The following TNKS2 variants were observed in gnomAD, a reference collection of about 807,000 sequenced individuals.
TNKS2 encodes the protein tankyrase 2, also known as poly [ADP-ribose] polymerase tankyrase-2.
TNKS2 carries 72 observed loss-of-function variants against 137.6 expected under a neutral mutation model. The ratio of observed to expected loss-of-function variants is 0.52; its 90% CI spans 0.43 to 0.64. The LOEUF is 0.64. Among genes scored for constraint, TNKS2 ranks in the 30% least tolerant of loss-of-function variants. The pLI is 0.00. For missense variants in TNKS2, 1,049 were observed against 1,410.2 expected (o/e 0.74, Z 4.10); for synonymous variants, 516 against 512.1 (o/e 1.01, Z -0.10).
chr10:91,817,144 GCATGGAGCTGAGCCAAC>G lies in TNKS2; in HGVS notation c.439_455del (p.Gly147ProfsTer23). The stretch of plus-strand genomic sequence containing the variant: ...GTTGCTATTTTGCAGTGCTGTTACA[GCATGGAGCTGAGCCAAC>G]CATCCGAAATACAGATGGAAGGACA... On this transcript the variant is annotated frameshift_variant, in exon 3 of 27. Coordinates refer to ENST00000371627, the MANE Select transcript of TNKS2 (RefSeq NM_025235.4). LOFTEE classifies it high-confidence loss of function. The G allele has an allele frequency of 6.2e-7, 1 of 1,613,028 alleles. No individual in the cohort carries two copies. Among genetic ancestry groups the G allele is most frequent in the Non-Finnish European group, 8.5e-7 (1 of 1,179,332 alleles).
intron 7 of TNKS2, among the ~76,000 whole-genome samples, chr10:91,823,148 A>T (rs1230458945): frequency 6.6e-6 from 1 of 151,986 alleles, no homozygotes; most frequent in Non-Finnish European, 1.5e-5. Flanking sequence ...TTTTTAGTGA[A>T]TCATATTTTG....
intron 1 of TNKS2, among the ~76,000 whole-genome samples, chr10:91,807,920 CG>C (rs1287349331): frequency 2.0e-5 from 3 of 150,172 alleles, no homozygotes; most frequent in Admixed American, 6.7e-5. Context: ...GGCATGAACC[CG>C]GGAGGCAGAG....
At chr10:91,842,107 T>A in intron 15 of TNKS2, 65 bp from the exon 16 acceptor site, 2 of 1,146,056 alleles carry the variant, frequency 1.7e-6, no homozygotes, top group Non-Finnish European at 1.3e-6. Context: ...CACTGACTAT[T>A]TTCTCATTGA....
At chr10:91,839,411 C>G (rs1842142413) in intron 13 of TNKS2, among the ~76,000 whole-genome samples, 1 of 151,716 alleles carries the variant, frequency 6.6e-6, no homozygotes, top group Non-Finnish European at 1.5e-5. Context: ...GGCACGATCT[C>G]AACTCACTGC....
In TNKS2 at chr10:91,833,975, C is replaced by A. The variant is rs200278821; in HGVS notation, c.1398C>A (p.Gly466=). 6.2e-7 allele frequency: 1 copy of A among 1,611,530 alleles called. No homozygotes were observed. The highest frequency in any genetic ancestry group is 2.2e-5 in the East Asian group (1 of 44,840). Residue 466 remains glycine, a synonymous_variant, in exon 12 of 27, where the codon GGC becomes GGA. Transcript: ENST00000371627. ...GCDPNIISLQ[G]FTALQMGNEN... ...ATCCTAACATTATATCCCTTCAGGG[C>A]TTTACTGCTTTACAGATGGGAAATG... is the stretch of plus-strand genomic sequence containing the variant.
At chr10:91,808,999 G>A (rs1844413944) in intron 1 of TNKS2, among the ~76,000 whole-genome samples, 1 of 152,090 alleles carries the variant, frequency 6.6e-6, no homozygotes, top group Non-Finnish European at 1.5e-5. Context: ...TGGCAGTAGT[G>A]TGTATAGTAG....
chr10:91,843,559 A>G (rs937915875), intron 16 of TNKS2, among the ~76,000 whole-genome samples: 1 of 152,222 alleles, frequency 6.6e-6, no homozygotes, highest in African/African-American at 2.4e-5. Context: ...GGTTTCACTC[A>G]TAAAACTGGC....
At chr10:91,810,868 T>C (rs1437862700) in intron 1 of TNKS2, among the ~76,000 whole-genome samples, 2 of 150,832 alleles carry the variant, frequency 1.3e-5, no homozygotes, top group African/African-American at 2.4e-5. Context: ...CTGGCTGTTA[T>C]GGAGCATTTG....
intron 1 of TNKS2, among the ~76,000 whole-genome samples, chr10:91,806,546 A>G (rs1430626827): frequency 6.6e-6 from 1 of 152,130 alleles, no homozygotes; most frequent in Non-Finnish European, 1.5e-5. Context: ...ATTCAAAGTC[A>G]TTGCTCAACA....
intron 12 of TNKS2, chr10:91,836,663 T>C: frequency 1.0e-6 from 1 of 985,424 alleles, no homozygotes; most frequent in Non-Finnish European, 1.2e-6. Flanking sequence ...TATGTTCCTT[T>C]ATATTGCTTA....
Position 91,828,274 on chromosome 10 carries a change from T to C in TNKS2, c.983-11T>C. 1 of 1,555,716 alleles carries C rather than the reference T, an allele frequency of 6.4e-7. No homozygotes were observed. The highest frequency in any genetic ancestry group is 1.4e-5 in the African/African-American group (1 of 71,688). The stretch of plus-strand genomic sequence containing the variant: ...ACTCGTTATACATGTAAATGCTTTT[T>C]CTTCATCTAGATGAATTTAAAGGCC... On this transcript the variant is annotated splice_polypyrimidine_tract_variant and intron_variant, in intron 8 of 26. Transcript: ENST00000371627.
intron 18 of TNKS2, 99 bp from the exon 19 acceptor site, chr10:91,848,284 A>C (rs745978475): frequency 3.2e-5 from 43 of 1,339,268 alleles, no homozygotes; most frequent in Non-Finnish European, 4.1e-5. Context: ...TACTGGCACA[A>C]ATTGCTGGGT....
In TNKS2 at chr10:91,863,960, T is replaced by A. The variant is rs1474376354; in HGVS notation, c.*961T>A. 1 of 152,170 alleles carries A rather than the reference T, an allele frequency of 6.6e-6. No individual in the cohort carries two copies. Among genetic ancestry groups the A allele is most frequent in the Non-Finnish European group, 1.5e-5 (1 of 68,026 alleles). 9.4% of individuals were successfully genotyped at this position (152,170 alleles called of 1,614,324 possible). ...TAATCCTAAATCATTTCCCAATCTATTCTAATTACCTTAAATCTAAAGGGG... is the reference window on the plus strand; with the variant it reads ...TAATCCTAAATCATTTCCCAATCTAATCTAATTACCTTAAATCTAAAGGGG... On this transcript the variant is annotated 3_prime_UTR_variant, in exon 27 of 27. Transcript: ENST00000371627.
At position 91,846,023 on chromosome 10, in the gene TNKS2, A is replaced by G. The variant is rs139153717; in HGVS notation, c.2358+83A>G. Reference sequence around the variant, plus strand: ...TGATGTTATTATAAAATGTCTTTATAGTCAATGTGAATGGCAAAATCTGGG... The same window carrying G: ...TGATGTTATTATAAAATGTCTTTATGGTCAATGTGAATGGCAAAATCTGGG... On this transcript the variant is annotated intron_variant, in intron 18 of 26. Transcript: ENST00000371627. 2.0e-4 allele frequency: 261 copies of G among 1,273,462 alleles called. 1 individual carries two copies. In the African/African-American group the frequency reaches 3.5e-3, roughly 17 times the overall value. 78.9% of individuals were successfully genotyped at this position (1,273,462 alleles called of 1,614,324 possible).
In TNKS2 at chr10:91,821,159, T is replaced by A. The variant is rs533423904; in HGVS notation, c.728+1126T>A. 1.3e-5 allele frequency among the ~76,000 whole-genome samples: 2 copies of A among 152,290 alleles called. 1 individual carries two copies. Among genetic ancestry groups the A allele is most frequent in the South Asian group, 4.1e-4 (2 of 4,824 alleles). ...TTCAAGTGATTCTCCTGCCTCAGGC[T>A]TCTGAGTAGCTGGGATTACAGGTGC... On this transcript the variant is annotated intron_variant, in intron 6 of 26. Transcript: ENST00000371627.
At chr10:91,813,401 G>A (rs1844571793) in intron 2 of TNKS2, among the ~76,000 whole-genome samples, 194 bp downstream of exon 2, 1 of 152,156 alleles carries the variant, frequency 6.6e-6, no homozygotes, top group South Asian at 2.1e-4. Context: ...TTTGGAGAAT[G>A]GACTACAAAG....
rs1181539848 is a variant in TNKS2 at position 91,841,311 on chromosome 10, T to G, written c.1702T>G (p.Ser568Ala). The G allele has an allele frequency of 6.3e-7, 1 of 1,594,814 alleles. No individual in the cohort carries two copies. Among genetic ancestry groups the G allele is most frequent in the East Asian group, 2.3e-5 (1 of 44,018 alleles). ...CCTTGTACCTTTGCACAATGCATGT[T>G]CTTATGGACATTATGAAGTTGCAGA... is the stretch of plus-strand genomic sequence containing the variant. ...GGLVPLHNAC[S>A]YGHYEVAELL... The change falls in exon 15 of 27, where the codon TCT (serine) becomes GCT (alanine). Residue 568 changes from serine to alanine, a missense_variant. Ser to Ala is a moderately conservative substitution (Grantham distance 99). Coordinates refer to ENST00000371627, the MANE Select transcript of TNKS2 (RefSeq NM_025235.4).
chr10:91,813,560 G>T (rs759851692), intron 2 of TNKS2, among the ~76,000 whole-genome samples: 2 of 152,304 alleles, frequency 1.3e-5, no homozygotes, highest in East Asian at 1.9e-4. Context: ...GAGTCTTTCC[G>T]TGAGAAAGGG....
chr10:91,803,243 G>C (rs1275721927), intron 1 of TNKS2, among the ~76,000 whole-genome samples: 7 of 152,184 alleles, frequency 4.6e-5, no homozygotes, highest in Non-Finnish European at 1.0e-4. Flanking sequence ...CCCGGGCACA[G>C]TGCCACAGGC....
Sources: gnomAD v4.1 joint callset for allele counts (sites outside exome capture counted in the v4.1 genomes callset) on GRCh38, gnomAD v4.1.1 for gene constraint, MANE v1.5 for transcripts, NCBI Gene and HGNC (gene_info 2026-07-23, HGNC 2026-07-21) for gene names.